LSAMP: variants seen among roughly 807,000 people sequenced by gnomAD.
The protein encoded by LSAMP is limbic system-associated membrane protein.
A neutral mutation model predicts 38.6 loss-of-function variants in LSAMP; 7 were observed. The observed-to-expected ratio is 0.18, with a 90% CI of 0.10 to 0.34. LSAMP has a LOEUF of 0.34. Ranked by LOEUF, LSAMP falls within the 10% of genes least tolerant of loss-of-function variation. The pLI, the probability that LSAMP is intolerant of heterozygous loss-of-function variation, is 1.00. For synonymous variants in LSAMP, 154 were observed against 166.8 expected, an observed-to-expected ratio of 0.92 and a Z score of 0.59; for missense variants, 313 against 420.0, an observed-to-expected ratio of 0.75 and a Z score of 2.23.
intron 1 of LSAMP, among the ~76,000 whole-genome samples, chr3:116,277,803 G>A (rs1436595286): frequency 6.6e-6 from 1 of 152,038 alleles, no homozygotes; most frequent in Non-Finnish European, 1.5e-5. Context: ...CAAATATATC[G>A]ATTATTTAGA....
chr3:116,009,064 A>G lies in LSAMP; in HGVS notation c.514+10451T>C, dbSNP rs998472140. Among the ~76,000 whole-genome samples the G allele has an allele frequency of 2.0e-5, 3 of 152,216 alleles. No homozygotes were observed. In the East Asian group the frequency reaches 5.8e-4, roughly 29 times the overall value. On this transcript the variant is annotated intron_variant, in intron 3 of 6. Transcript: ENST00000490035. ...ATTTCTCAAAACTATTATTATTTTC[A>G]TTCTCTGAACCACCTCTCAATCTCT... is the stretch of plus-strand genomic sequence containing the variant.
rs529381564 is a variant in LSAMP, at chr3:116,108,082, G to A, written c.156-21526C>T. On this transcript the variant is annotated intron_variant, in intron 1 of 6. Transcript: ENST00000490035. ...GGATATTGGCATTGAGCGGGGTAAG[G>A]GTGATTAGGTTTTAATGAGATGGTA... Among the ~76,000 whole-genome samples the A allele has an allele frequency of 1.0e-3, 158 of 152,208 alleles. 1 individual carries two copies. Among genetic ancestry groups the A allele is most frequent in the African/African-American group, 3.7e-3 (154 of 41,516 alleles).
intron 1 of LSAMP, among the ~76,000 whole-genome samples, chr3:116,087,419 T>A (rs969670395): frequency 1.3e-5 from 2 of 152,176 alleles, no homozygotes; most frequent in African/African-American, 4.8e-5. Flanking sequence ...TACTTTTTGG[T>A]GAGTATGGTT....
At chr3:116,259,273 T>A (rs1226907521) in intron 1 of LSAMP, among the ~76,000 whole-genome samples, 1 of 152,156 alleles carries the variant, frequency 6.6e-6, no homozygotes, top group Non-Finnish European at 1.5e-5. Flanking sequence ...CTCAAAAACC[T>A]TTTTTAGCTT....
chr3:116,268,132 C>A (rs2046916745), intron 1 of LSAMP, among the ~76,000 whole-genome samples: 1 of 152,000 alleles, frequency 6.6e-6, no homozygotes, highest in Non-Finnish European at 1.5e-5. Flanking sequence ...CTGTAATATG[C>A]AACTAAATCT....
At chr3:116,437,214 G>A (rs1576225130) in intron 1 of LSAMP, among the ~76,000 whole-genome samples, 1 of 151,950 alleles carries the variant, frequency 6.6e-6, no homozygotes, top group East Asian at 1.9e-4. Flanking sequence ...TAAGCTATGA[G>A]GACACAAAGG....
chr3:116,295,922 T>C (rs2047326660), intron 1 of LSAMP, among the ~76,000 whole-genome samples: 1 of 152,314 alleles, frequency 6.6e-6, no homozygotes, highest in Non-Finnish European at 1.5e-5. Context: ...CATTAGGAAA[T>C]TTATGTACTT....
intron 1 of LSAMP, among the ~76,000 whole-genome samples, chr3:116,092,712 C>T (rs1266351720): frequency 1.3e-5 from 2 of 152,132 alleles, no homozygotes; most frequent in East Asian, 3.8e-4. Context: ...ATTCTAGTAA[C>T]ATTGCACAAG....
In LSAMP at chr3:115,945,893, C is replaced by A. The variant is rs148065311; in HGVS notation, c.514+73622G>T. Among the ~76,000 whole-genome samples the A allele has an allele frequency of 4.6e-3, 694 of 152,178 alleles. 7 individuals carry two copies. The highest frequency in any genetic ancestry group is 0.016 in the African/African-American group (644 of 41,524). ...TATTACCTACTTAGTTCAGTTAAAT[C>A]CTTTGTTAAGGCAAAGCTAGTGTAC... On this transcript the variant is annotated intron_variant, in intron 3 of 6. Transcript: ENST00000490035.
At chr3:116,276,452 C>T (rs2047052447) in intron 1 of LSAMP, among the ~76,000 whole-genome samples, 1 of 151,440 alleles carries the variant, frequency 6.6e-6, no homozygotes, top group Non-Finnish European at 1.5e-5. Context: ...TATGTTCTCA[C>T]TGATATGTGG....
At chr3:116,059,910 C>A (rs1941559784) in intron 2 of LSAMP, among the ~76,000 whole-genome samples, 1 of 152,196 alleles carries the variant, frequency 6.6e-6, no homozygotes, top group Non-Finnish European at 1.5e-5. Flanking sequence ...GGAGGTAGGG[C>A]TGGCTTGTCC....
At chr3:116,116,727 A>G (rs779197966) in intron 1 of LSAMP, among the ~76,000 whole-genome samples, 1 of 149,384 alleles carries the variant, frequency 6.7e-6, no homozygotes, top group Non-Finnish European at 1.5e-5. Flanking sequence ...AATAATAATG[A>G]TAATAATAAT....
intron 2 of LSAMP, among the ~76,000 whole-genome samples, chr3:116,045,415 G>T (rs1357356255): frequency 6.6e-6 from 1 of 152,076 alleles, no homozygotes. Flanking sequence ...AATGAAGGCA[G>T]TAGTGGTAGT....
chr3:116,259,642 A>C (rs1392626641), intron 1 of LSAMP, among the ~76,000 whole-genome samples: 1 of 152,188 alleles, frequency 6.6e-6, no homozygotes. Context: ...GCACTACATA[A>C]ATGTGTGATG....
chr3:116,276,138 T>C (rs1313977865), intron 1 of LSAMP, among the ~76,000 whole-genome samples: 1 of 152,202 alleles, frequency 6.6e-6, no homozygotes, highest in Non-Finnish European at 1.5e-5. Flanking sequence ...AATTGGTTTA[T>C]ACTTTAATAC....
chr3:116,317,456 C>T (rs911087245), intron 1 of LSAMP, among the ~76,000 whole-genome samples: 6 of 151,692 alleles, frequency 4.0e-5, no homozygotes, highest in African/African-American at 9.7e-5. Context: ...CCTGGGTTCA[C>T]GCCATTCTCC....
Position 116,166,599 on chromosome 3 carries a change from C to T in LSAMP, c.156-80043G>A, listed in dbSNP as rs192182573. On this transcript the variant is annotated intron_variant, in intron 1 of 6. Transcript: ENST00000490035. ...GTGTATATATGCATGTATATATGTA[C>T]ATATATATGTATGCATTTTTTATAA... Among the ~76,000 whole-genome samples the T allele has an allele frequency of 5.6e-3, 852 of 152,052 alleles. 7 individuals carry two copies. The highest frequency in any genetic ancestry group is 0.018 in the African/African-American group (753 of 41,470).
chr3:115,884,972 T>A lies in LSAMP; in HGVS notation c.515-32355A>T, dbSNP rs150233142. Among the ~76,000 whole-genome samples the A allele has an allele frequency of 9.1e-4, 138 of 152,120 alleles. 2 individuals are homozygous for A. The highest frequency in any genetic ancestry group is 3.3e-3 in the African/African-American group (136 of 41,530). ...AAAGAAATGTCATTAATAGGTAGTATGTACAAAATACTAAAAAAGGCGTTC... is the reference window on the plus strand; with the variant it reads ...AAAGAAATGTCATTAATAGGTAGTAAGTACAAAATACTAAAAAAGGCGTTC... On this transcript the variant is annotated intron_variant, in intron 3 of 6. Coordinates refer to ENST00000490035, the MANE Select transcript of LSAMP (RefSeq NM_002338.5).
At chr3:116,409,922 C>A (rs72951938) in intron 1 of LSAMP, among the ~76,000 whole-genome samples, 1 of 152,096 alleles carries the variant, frequency 6.6e-6, no homozygotes, top group East Asian at 1.9e-4. Context: ...TCTCCCACTA[C>A]GTGTCTGCTC....
Sources: gnomAD v4.1 joint callset for allele counts (sites outside exome capture counted in the v4.1 genomes callset) on GRCh38, gnomAD v4.1.1 for gene constraint, MANE v1.5 for transcripts, NCBI Gene and HGNC (gene_info 2026-07-23, HGNC 2026-07-21) for gene names.